Variants in CNIH3 observed in about 807,000 individuals in gnomAD.
CNIH3 encodes cornichon family AMPA receptor auxiliary protein 3.
CNIH3 carries 14 observed loss-of-function variants against 24.1 expected under a neutral mutation model. The observed-to-expected ratio is 0.58, with a 90% CI of 0.38 to 0.91. The LOEUF is 0.91. Among genes scored for constraint, CNIH3 ranks in the 40% least tolerant of loss-of-function variants. CNIH3 has a pLI of 0.00. For synonymous variants in CNIH3, 68 were observed against 73.8 expected (o/e 0.92, Z 0.40); for missense variants, 178 against 196.8 (o/e 0.90, Z 0.57).
At chr1:224,508,065 T>C (rs144835938) in intron 1 of CNIH3, among the ~76,000 whole-genome samples, 3 of 152,346 alleles carry the variant, frequency 2.0e-5, no homozygotes, top group Non-Finnish European at 4.4e-5. Context: ...GGTATTTCCA[T>C]TTGAGACTGC....
intron 1 of CNIH3, among the ~76,000 whole-genome samples, chr1:224,653,539 T>C (rs942398423): frequency 5.3e-5 from 8 of 152,156 alleles, no homozygotes; most frequent in Non-Finnish European, 7.3e-5. Flanking sequence ...TGAGGAGCAA[T>C]GGAGTTTTGG....
At position 224,458,547 on chromosome 1, in the gene CNIH3, T is replaced by G. The variant is rs1444067998; in HGVS notation, n.203+23685T>G. On this transcript the variant is annotated intron_variant and non_coding_transcript_variant, in intron 1 of 5. Coordinates refer to the CNIH3 transcript ENST00000471578. This position sits in a 1 kb window ranked among gnomAD's most constrained non-coding sequence, Gnocchi z 4.3. Reference sequence around the variant, plus strand: ...CTGATGACAGCAACCACCCTTTGACTACCTTCTCTGTGGCTGTTACTGTCT... The same window carrying G: ...CTGATGACAGCAACCACCCTTTGACGACCTTCTCTGTGGCTGTTACTGTCT... Among the ~76,000 whole-genome samples the G allele has an allele frequency of 6.6e-6, 1 of 152,174 alleles. No individual in the cohort carries two copies. Among genetic ancestry groups the G allele is most frequent in the African/African-American group, 2.4e-5 (1 of 41,442 alleles).
intron 3 of CNIH3, among the ~76,000 whole-genome samples, chr1:224,724,372 C>A (rs1046640624): frequency 6.6e-6 from 1 of 152,148 alleles, no homozygotes; most frequent in Non-Finnish European, 1.5e-5. Context: ...TTTCCAAAGA[C>A]GACCTTCATC....
intron 1 of CNIH3, among the ~76,000 whole-genome samples, chr1:224,483,049 C>T (rs1676875606): frequency 6.6e-6 from 1 of 152,164 alleles, no homozygotes; most frequent in South Asian, 2.1e-4. Flanking sequence ...TGCACTCTCC[C>T]TTCCTTAAGC....
At chr1:224,457,499 T>A (rs1319082915) in intron 1 of CNIH3, among the ~76,000 whole-genome samples, 4 of 150,668 alleles carry the variant, frequency 2.7e-5, no homozygotes, top group Admixed American at 2.6e-4. Context: ...AATGGGAATC[T>A]GTGGTCTGGG....
chr1:224,695,746 C>G (rs561600231), intron 3 of CNIH3, among the ~76,000 whole-genome samples: 1 of 152,338 alleles, frequency 6.6e-6, no homozygotes, highest in East Asian at 1.9e-4. Context: ...GATGATCGCT[C>G]AGGCTCCCCT....
At chr1:224,510,858 T>G (rs1194299064) in intron 1 of CNIH3, among the ~76,000 whole-genome samples, 3 of 152,170 alleles carry the variant, frequency 2.0e-5, no homozygotes, top group Non-Finnish European at 4.4e-5. Flanking sequence ...GGTAACAGGT[T>G]GTCCCCTTCC....
At chr1:224,476,664 A>G (rs994994743) in intron 1 of CNIH3, among the ~76,000 whole-genome samples, 5 of 152,178 alleles carry the variant, frequency 3.3e-5, no homozygotes, top group African/African-American at 9.7e-5. Context: ...GACACCAAAA[A>G]CTGGTAAGAT....
At chr1:224,521,538 G>C (rs2124914859) in intron 2 of CNIH3, 1 of 152,298 alleles carries the variant, frequency 6.6e-6, no homozygotes, top group Admixed American at 6.5e-5. Flanking sequence ...TCTGAGCCCG[G>C]TCAGTGAGGT....
intron 3 of CNIH3, among the ~76,000 whole-genome samples, chr1:224,593,957 A>G (rs1365643590): frequency 6.6e-6 from 1 of 152,202 alleles, no homozygotes; most frequent in East Asian, 1.9e-4. Context: ...AATGAAAGGT[A>G]GGCACTGCCC....
intron 1 of CNIH3, among the ~76,000 whole-genome samples, chr1:224,670,824 G>A (rs1291679333): frequency 6.6e-6 from 1 of 152,254 alleles, no homozygotes; most frequent in Non-Finnish European, 1.5e-5. Flanking sequence ...TTGGGGGTTT[G>A]TGGTGGTTAA....
intron 3 of CNIH3, among the ~76,000 whole-genome samples, chr1:224,605,386 G>T (rs1682375923): frequency 2.0e-5 from 3 of 152,176 alleles, no homozygotes; most frequent in Admixed American, 2.0e-4. Context: ...CCACAGGCTG[G>T]CTGTCTTTGC....
upstream of CNIH3, among the ~76,000 whole-genome samples, chr1:224,514,694 G>C (rs1237215103): frequency 6.6e-6 from 1 of 152,096 alleles, no homozygotes; most frequent in Non-Finnish European, 1.5e-5. Context: ...AACTGGGTGT[G>C]GTGGTGCGAG....
chr1:224,726,541 G>A (rs552356470), intron 3 of CNIH3, among the ~76,000 whole-genome samples: 1 of 152,180 alleles, frequency 6.6e-6, no homozygotes, highest in African/African-American at 2.4e-5. Context: ...GCCCTTTGAG[G>A]TGGCCTTGTT....
At chr1:224,623,601 G>C (rs1030934071) in intron 1 of CNIH3, among the ~76,000 whole-genome samples, 5 of 152,020 alleles carry the variant, frequency 3.3e-5, no homozygotes. Flanking sequence ...GACTGCCTCT[G>C]AGCAGATGAC....
intron 3 of CNIH3, among the ~76,000 whole-genome samples, chr1:224,702,578 T>C (rs1052973156): frequency 1.3e-5 from 2 of 152,188 alleles, no homozygotes; most frequent in African/African-American, 4.8e-5. Flanking sequence ...CCAAGGTAGA[T>C]GCAGAATTGA....
chr1:224,624,232 C>G (rs1303638887), intron 1 of CNIH3, among the ~76,000 whole-genome samples: 1 of 152,202 alleles, frequency 6.6e-6, no homozygotes, highest in Non-Finnish European at 1.5e-5. Context: ...TTATCTTGGC[C>G]TCTCCGTGGC....
intron 5 of CNIH3, among the ~76,000 whole-genome samples, chr1:224,586,288 G>C (rs1196358407): frequency 6.6e-6 from 1 of 152,226 alleles, no homozygotes; most frequent in Non-Finnish European, 1.5e-5. Context: ...ACAGTTCCAT[G>C]TGGCTGGGGA....
chr1:224,712,536 A>G (rs1688211937), intron 3 of CNIH3, among the ~76,000 whole-genome samples: 1 of 152,248 alleles, frequency 6.6e-6, no homozygotes. Flanking sequence ...CAATGAATGA[A>G]TGAATGAATA....
Sources: allele counts gnomAD v4.1 joint callset (sites outside exome capture counted in the v4.1 genomes callset), GRCh38; gene constraint gnomAD v4.1.1; non-coding constraint Gnocchi (gnomAD v3.1); transcripts MANE v1.5; gene names NCBI Gene and HGNC (gene_info 2026-07-23, HGNC 2026-07-21).